SPTBN2: variants seen among roughly 807,000 people sequenced by gnomAD.
SPTBN2 encodes spectrin beta, non-erythrocytic 2, also known as spectrin beta chain, non-erythrocytic 2.
In SPTBN2, 107 loss-of-function variants were observed where a neutral mutation model predicts 284.2. The observed-to-expected ratio is 0.38, with a 90% CI of 0.32 to 0.44. The LOEUF (loss-of-function observed/expected upper bound fraction) is 0.44, where lower values mean the gene tolerates loss of function less well. SPTBN2 is among the 20% of genes least tolerant of loss of function. SPTBN2 has a pLI of 1.00. For missense variants in SPTBN2, 2,569 were observed against 3,287.1 expected, an observed-to-expected ratio of 0.78 and a Z score of 5.34; for synonymous variants, 1,289 against 1,354.8, an observed-to-expected ratio of 0.95 and a Z score of 1.07.
In SPTBN2 at chr11:66,705,023, CTGG is replaced by C. The variant is rs1188527089; in HGVS notation, c.2250_2252del (p.Tyr750_Gln751delinsTer). On this transcript the variant is annotated stop_gained and inframe_deletion, in exon 15 of 38. Coordinates refer to ENST00000533211, the MANE Select transcript of SPTBN2 (RefSeq NM_006946.4). LOFTEE classifies it high-confidence loss of function. ...CCATGTCGTTTGCATCGGCCTGGAA[CTGG>C]TAGAGGCTGGCGGCTTGGGCCAGCC... is the stretch of plus-strand genomic sequence containing the variant. 1.2e-6 allele frequency: 2 copies of C among 1,601,970 alleles called. No individual in the cohort carries two copies. Among genetic ancestry groups the C allele is most frequent in the Non-Finnish European group, 1.7e-6 (2 of 1,179,646 alleles).
In SPTBN2 at chr11:66,692,652, C is replaced by T. The variant is rs982020454; in HGVS notation, c.5074G>A (p.Glu1692Lys). Residue 1692 changes from glutamate (E) to lysine (K), a missense_variant, in exon 26 of 38, where the codon GAG becomes AAG. Transcript: ENST00000533211. Reference sequence around the variant, plus strand: ...CGGAGCTGGCACAGCCGGAGGTGCTCCTGCAGGCGCTCCCGCCGCTCTCCA... The same window carrying T: ...CGGAGCTGGCACAGCCGGAGGTGCTTCTGCAGGCGCTCCCGCCGCTCTCCA... ...LAGERRERLQ[E>K]HLRLCQLRRE... 2 of 1,604,792 alleles carry T rather than the reference C, an allele frequency of 1.2e-6. No individual in the cohort carries two copies. The highest frequency in any genetic ancestry group is 1.7e-6 in the Non-Finnish European group (2 of 1,179,926).
At chr11:66,699,951 CTTCTTTT>C (rs777157839) in intron 17 of SPTBN2, among the ~76,000 whole-genome samples, 1 of 149,566 alleles carries the variant, frequency 6.7e-6, no homozygotes, top group Non-Finnish European at 1.5e-5. Flanking sequence ...CTCATTTTTC[CTTCTTTT>C]TTCTTTTTCT....
In SPTBN2 at chr11:66,693,415, G is replaced by T. The variant is rs1195257320; in HGVS notation, c.4625C>A (p.Pro1542His). ...TLQKEIQGHEPRIADLRERQR... is the reference protein window; with the variant it reads ...TLQKEIQGHEHRIADLRERQR... ...CCGCTCCCTCAGGTCCGCGATCCGG[G>T]GCTCATGGCCCTGAATCTCTTTCTG... Residue 1542 changes from proline to histidine, a missense_variant, in exon 24 of 38, where the codon CCC (proline) becomes CAC (histidine). Coordinates refer to ENST00000533211, the MANE Select transcript of SPTBN2 (RefSeq NM_006946.4). The surrounding 1 kb of genome is among the most constrained non-coding windows in gnomAD (Gnocchi z 5.7). 1.9e-6 allele frequency: 3 copies of T among 1,599,916 alleles called. No homozygotes were observed. The highest frequency in any genetic ancestry group is 2.5e-6 in the Non-Finnish European group (3 of 1,179,810).
rs1279035553 is a variant in SPTBN2, at chr11:66,700,700, C to G, written c.3399G>C (p.Arg1133=). ...RLRALGEEVT[R]DQADPQCLFL... ...AGAGGCACTGGGGGTCAGCCTGGTC[C>G]CGGGTCACCTCCTCGCCCAGGGCTC... The change falls in exon 17 of 38, where the codon CGG becomes CGC. Residue 1133 remains arginine (R), a synonymous_variant. Coordinates refer to ENST00000533211, the MANE Select transcript of SPTBN2 (RefSeq NM_006946.4). This position sits in a 1 kb window ranked among gnomAD's most constrained non-coding sequence, Gnocchi z 6.6. 1.2e-6 allele frequency: 2 copies of G among 1,605,562 alleles called. No individual in the cohort carries two copies. The highest frequency in any genetic ancestry group is 2.2e-5 in the East Asian group (1 of 44,876).
In SPTBN2 at chr11:66,708,168, G is replaced by A. The variant is rs764447133; in HGVS notation, c.1323C>T (p.Leu441=). The A allele has an allele frequency of 3.8e-5, 62 of 1,612,992 alleles. No individual in the cohort carries two copies. Among genetic ancestry groups the A allele is most frequent in the Non-Finnish European group, 5.0e-5 (59 of 1,179,916 alleles). The part of the protein sequence containing the change: ...DRKAAMRETW[L]SENQRLVSQD... ...GGGACACGAGGCGCTGGTTCTCGCT[G>A]AGCCAGGTCTCCCGCATGGCAGCCT... The change falls in exon 12 of 38, where the codon CTC becomes CTT. Residue 441 remains leucine, a synonymous_variant. Transcript: ENST00000533211. The surrounding 1 kb of genome is among the most constrained non-coding windows in gnomAD (Gnocchi z 4.4).
At chr11:66,731,220 G>A (rs968343292), upstream of SPTBN2, among the ~76,000 whole-genome samples, 4 of 152,178 alleles carry the variant, frequency 2.6e-5, no homozygotes, top group African/African-American at 9.7e-5. Context: ...GATTTGGAGA[G>A]GAAGCACATT....
Position 66,688,770 on chromosome 11 carries a change from G to A in SPTBN2, c.6114C>T (p.Ser2038=), listed in dbSNP as rs140580417. The A allele has an allele frequency of 2.7e-5, 44 of 1,613,202 alleles. No individual in the cohort carries two copies. The African/African-American group carries it at 2.9e-4, about 11-fold the overall frequency. ...CGTCGACCGTGCAACCCAGCTCAGC[G>A]CTGCGCACCAGTGGCTCCTGGCTGC... ...WLCSQEPLVR[S]AELGCTVDEV... Residue 2038 remains serine (S), a synonymous_variant, in exon 31 of 38, where the codon AGC becomes AGT. Transcript: ENST00000533211.
In SPTBN2 at chr11:66,715,890, G is replaced by A. The variant is rs141552965; in HGVS notation, c.249C>T (p.Ser83=). 152 of 1,614,080 alleles carry A rather than the reference G, an allele frequency of 9.4e-5. No homozygotes were observed. Among genetic ancestry groups the A allele is most frequent in the East Asian group, 6.2e-4 (28 of 44,870 alleles). The change falls in exon 4 of 38, where the codon AGC becomes AGT. Residue 83 remains serine, a synonymous_variant. Transcript: ENST00000533211. This position sits in a 1 kb window ranked among gnomAD's most constrained non-coding sequence, Gnocchi z 5.3. ...RVTCRVGDLY[S]DLRDGRNLLR... ...GCAGGTTGCGTCCGTCCCGGAGGTC[G>A]CTGTACAGGTCCCCCACCCGGCACG...
At chr11:66,741,201 A>G (rs1741736740) in intron 1 of SPTBN2, among the ~76,000 whole-genome samples, 1 of 152,196 alleles carries the variant, frequency 6.6e-6, no homozygotes, top group African/African-American at 2.4e-5. Context: ...GGGAGGGACC[A>G]GGCGGAGATA....
At chr11:66,734,699 C>T (rs1942840479) in intron 1 of SPTBN2, among the ~76,000 whole-genome samples, 1 of 152,096 alleles carries the variant, frequency 6.6e-6, no homozygotes, top group Admixed American at 6.5e-5. Context: ...ACAGCATGAG[C>T]GCCATGAGGG....
rs1233309112 is a variant in SPTBN2 at position 66,715,127 on chromosome 11, A to C, written c.483+95T>G. 1.5e-5 allele frequency: 22 copies of C among 1,513,136 alleles called. No individual in the cohort carries two copies. Among genetic ancestry groups the C allele is most frequent in the Non-Finnish European group, 1.9e-5 (21 of 1,094,270 alleles). The allele number at this position is 1,513,136 out of a possible 1,614,324, so 93.7% of individuals were successfully genotyped here. On this transcript the variant is annotated intron_variant, in intron 5 of 37. Transcript: ENST00000533211. The surrounding 1 kb of genome is among the most constrained non-coding windows in gnomAD (Gnocchi z 5.3). ...TGCTACATAAGGTTCTAGATCCTCC[A>C]TCTTTGTGTTTGTTGTGTCATGGGC...
chr11:66,744,072 G>T (rs1449240202), intron 1 of SPTBN2, among the ~76,000 whole-genome samples: 1 of 152,090 alleles, frequency 6.6e-6, no homozygotes, highest in East Asian at 1.9e-4. Flanking sequence ...TGTTGGCCAG[G>T]CTGGTCTCGA....
In SPTBN2 at chr11:66,721,172, G is replaced by A; in HGVS notation, c.69C>T (p.Asn23=). 1 of 1,614,176 alleles carries A rather than the reference G, an allele frequency of 6.2e-7. No homozygotes were observed. The highest frequency in any genetic ancestry group is 8.5e-7 in the Non-Finnish European group (1 of 1,180,024). ...CCGAGTCAGGAAGGTCCCAGCGGTT[G>A]TTGATGTCACTGTACTGGCCCTGGA... is the stretch of plus-strand genomic sequence containing the variant. ...LEIQGQYSDI[N]NRWDLPDSDW... is the part of the protein sequence containing the mutation. The change falls in exon 3 of 38, where the codon AAC becomes AAT. Residue 23 remains asparagine, a synonymous_variant. Transcript: ENST00000533211.
chr11:66,711,414 A>G (rs2135494693), intron 8 of SPTBN2, among the ~76,000 whole-genome samples: 1 of 152,310 alleles, frequency 6.6e-6, no homozygotes, highest in South Asian at 2.1e-4. Flanking sequence ...ATTGAGGGGC[A>G]GTGGGACGGA....
intron 15 of SPTBN2, among the ~76,000 whole-genome samples, chr11:66,702,916 G>GGAA (rs1208142560): frequency 1.6e-5 from 2 of 124,520 alleles, no homozygotes; most frequent in East Asian, 4.7e-4. Flanking sequence ...CCAGCCTGGG[G>GGAA]GACAGAGCAA....
chr11:66,696,587 C>A, intron 20 of SPTBN2, 47 bp from the exon 21 acceptor site: 1 of 1,605,276 alleles, frequency 6.2e-7, no homozygotes, highest in Non-Finnish European at 8.5e-7. Flanking sequence ...TTAGCCTGAA[C>A]TTTAGAGGCT....
At position 66,701,026 on chromosome 11, in the gene SPTBN2, G is replaced by A; in HGVS notation, c.3073C>T (p.Leu1025=). ...VGELTREANA[L]AAGHPAQAVA... ...GCCTGAGCGGGATGGCCGGCAGCCA[G>A]GGCATTTGCCTCTCGAGTCAGTTCG... is the stretch of plus-strand genomic sequence containing the variant. Residue 1025 remains leucine, a synonymous_variant, in exon 17 of 38, where the codon CTG becomes TTG. Coordinates refer to ENST00000533211, the MANE Select transcript of SPTBN2 (RefSeq NM_006946.4). 2 of 1,608,700 alleles carry A rather than the reference G, an allele frequency of 1.2e-6. No homozygotes were observed. Among genetic ancestry groups the A allele is most frequent in the Non-Finnish European group, 1.7e-6 (2 of 1,179,816 alleles).
At chr11:66,699,632 G>A in intron 17 of SPTBN2, 24 bp from the exon 18 acceptor site, 1 of 1,612,788 alleles carries the variant, frequency 6.2e-7, no homozygotes, top group Non-Finnish European at 8.5e-7. Flanking sequence ...ATGACATTCA[G>A]CTCATTTTCC....
intron 21 of SPTBN2, among the ~76,000 whole-genome samples, chr11:66,694,589 A>C (rs1255297895): frequency 1.3e-5 from 2 of 152,182 alleles, no homozygotes; most frequent in Non-Finnish European, 2.9e-5. Flanking sequence ...TGCTCACTAC[A>C]TGGGTGATGG....
Sources: gnomAD v4.1 joint callset for allele counts (sites outside exome capture counted in the v4.1 genomes callset) on GRCh38, gnomAD v4.1.1 for gene constraint, Gnocchi (gnomAD v3.1) non-coding constraint, MANE v1.5 for transcripts, NCBI Gene and HGNC (gene_info 2026-07-23, HGNC 2026-07-21) for gene names.